Variants in FRAS1 observed in about 807,000 individuals in gnomAD.
FRAS1 encodes the protein extracellular matrix organizing protein FRAS1.
A neutral mutation model predicts 435.2 loss-of-function variants in FRAS1; 290 were observed. That is an observed-to-expected ratio of 0.67 (90% CI 0.61 to 0.73). The LOEUF is 0.73. Among genes scored for constraint, FRAS1 ranks in the 30% least tolerant of loss-of-function variants. The pLI, the probability that FRAS1 is intolerant of heterozygous loss-of-function variation, is 0.00. For synonymous variants in FRAS1, 1,800 were observed against 1,851.0 expected, an observed-to-expected ratio of 0.97 and a Z score of 0.71; for missense variants, 4,860 against 5,001.5, an observed-to-expected ratio of 0.97 and a Z score of 0.85.
rs768081483 is a variant in FRAS1 at position 78,526,531 on chromosome 4, A to G, written c.10809-10A>G. The G allele has an allele frequency of 7.7e-6, 12 of 1,556,674 alleles. No homozygotes were observed. In the Admixed American group the frequency reaches 2.0e-4, roughly 26 times the overall value. Reference sequence around the variant, plus strand: ...TCCCTACGATCACAGTCTGCTCTGCATGTTTCCAGGAAGGACTACTCAGGA... The same window carrying G: ...TCCCTACGATCACAGTCTGCTCTGCGTGTTTCCAGGAAGGACTACTCAGGA... On this transcript the variant is annotated splice_polypyrimidine_tract_variant and intron_variant, in intron 69 of 73. Transcript: ENST00000512123.
At chr4:78,535,842 C>T (rs1323930600) in intron 71 of FRAS1, among the ~76,000 whole-genome samples, 2 of 152,192 alleles carry the variant, frequency 1.3e-5, no homozygotes, top group East Asian at 1.9e-4. Context: ...GTCCAGCCTC[C>T]TCAGCACGGT....
rs1721386628 is a variant in FRAS1, at chr4:78,521,553, G to A, written c.10571G>A (p.Arg3524Lys). ...CAGACAGACAGCGTGCTCTCTGCAA[G>A]GCTTCAGATAATAAGAATCTACATT... ...GIQTDSVLSA[R>K]LQIIRIYIRE... Residue 3524 changes from arginine (R) to lysine (K), a missense_variant, in exon 68 of 74, where the codon AGG becomes AAG. Arg to Lys is a conservative substitution (Grantham distance 26, BLOSUM62 2). Transcript: ENST00000512123. The A allele has an allele frequency of 6.2e-7, 1 of 1,610,598 alleles. No homozygotes were observed. Among genetic ancestry groups the A allele is most frequent in the Admixed American group, 1.7e-5 (1 of 59,446 alleles).
intron 2 of FRAS1, among the ~76,000 whole-genome samples, chr4:78,120,592 T>A (rs543880206): frequency 6.6e-6 from 1 of 152,250 alleles, no homozygotes; most frequent in African/African-American, 2.4e-5. Flanking sequence ...GGGGCCTGTG[T>A]GCAAAACCAC....
At position 78,065,083 on chromosome 4, in the gene FRAS1, T is replaced by TATATATATATATACACAC. The variant is rs1383890164; in HGVS notation, c.77-901_77-900insTATATATATATACACACA. On this transcript the variant is annotated intron_variant, in intron 1 of 73. Transcript: ENST00000512123. Reference sequence around the variant, plus strand: ...GTATATATATATATATATATATATATACATACACACACACACACTAAATAC... The same window carrying TATATATATATATACACAC: ...GTATATATATATATATATATATATATATATATATATATACACACACATACACACACACACACTAAATAC... Among the ~76,000 whole-genome samples the TATATATATATATACACAC allele has an allele frequency of 7.8e-5, 11 of 140,594 alleles. No individual in the cohort carries two copies. The East Asian group carries it at 1.7e-3, about 22-fold the overall frequency. The allele number at this position is 140,594 out of a possible 152,430, so 92.2% of individuals were successfully genotyped here. A position where few individuals can be genotyped will look rare whatever the true frequency, so the allele number is the denominator to read the frequency against.
At chr4:78,504,841 A>G (rs529236206) in intron 61 of FRAS1, among the ~76,000 whole-genome samples, 3 of 152,302 alleles carry the variant, frequency 2.0e-5, no homozygotes, top group African/African-American at 4.8e-5. Flanking sequence ...ACAATTTGGC[A>G]TGTTTTTGCA....
At chr4:78,105,112 C>T (rs184760102) in intron 2 of FRAS1, among the ~76,000 whole-genome samples, 2 of 152,292 alleles carry the variant, frequency 1.3e-5, no homozygotes, top group East Asian at 3.9e-4. Context: ...TCAGCTGGCT[C>T]CCTGTGGATA....
At chr4:78,205,352 C>T (rs562533737) in intron 2 of FRAS1, among the ~76,000 whole-genome samples, 1 of 152,068 alleles carries the variant, frequency 6.6e-6, no homozygotes, top group Non-Finnish European at 1.5e-5. Flanking sequence ...CAGGCATGTG[C>T]CACTACACCC....
intron 26 of FRAS1, among the ~76,000 whole-genome samples, chr4:78,376,936 G>T (rs989716656): frequency 6.6e-6 from 1 of 152,126 alleles, no homozygotes. Context: ...GGAGGTTGTG[G>T]TGAGCCGAGA....
At position 78,278,745 on chromosome 4, in the gene FRAS1, G is replaced by A. The variant is rs1252682157; in HGVS notation, c.1071+1G>A. The stretch of plus-strand genomic sequence containing the variant: ...TGTTTATGAAGAAACTGGAGAATTT[G>A]TGAGTATCAGGCTTATAACCGAAGA... On this transcript the variant is annotated splice_donor_variant, in intron 10 of 73. Transcript: ENST00000512123. LOFTEE classifies it high-confidence loss of function. 5 of 1,536,802 alleles carry A rather than the reference G, an allele frequency of 3.3e-6. No homozygotes were observed. Among genetic ancestry groups the A allele is most frequent in the Non-Finnish European group, 4.5e-6 (5 of 1,111,010 alleles).
Position 78,539,338 on chromosome 4 carries a change from G to A in FRAS1, c.11343G>A (p.Val3781=), listed in dbSNP as rs1328618238. 40 of 1,612,882 alleles carry A rather than the reference G, an allele frequency of 2.5e-5. No homozygotes were observed. The highest frequency in any genetic ancestry group is 3.3e-5 in the Non-Finnish European group (39 of 1,179,528). Residue 3781 remains valine, a synonymous_variant, in exon 73 of 74, where the codon GTG becomes GTA. Transcript: ENST00000512123. The part of the protein sequence containing the change: ...PEVTDKYFHD[V]PFEAHFASEL... ...TAACTGATAAGTACTTCCATGATGT[G>A]CCTTTTGAGGCTCACTTTGCCTCTG...
chr4:78,298,003 C>CCTCTCTCTCT (rs765903880), intron 14 of FRAS1, among the ~76,000 whole-genome samples: 154 of 119,230 alleles, frequency 1.3e-3, no homozygotes, highest in African/African-American at 4.3e-3. Context: ...TTAATTTGTT[C>CCTCTCTCTCT]CTCTCTCTCT....
chr4:78,072,167 T>A (rs1237817001), intron 2 of FRAS1: 1 of 152,182 alleles, frequency 6.6e-6, no homozygotes, highest in African/African-American at 2.4e-5. Flanking sequence ...ATGGGAGTGT[T>A]ATCCATCATT....
intron 2 of FRAS1, among the ~76,000 whole-genome samples, chr4:78,191,243 T>C (rs1241366886): frequency 6.6e-6 from 1 of 152,200 alleles, no homozygotes. Flanking sequence ...CAGGTTGCTT[T>C]TGTAGGTCTT....
chr4:78,318,315 G>T (rs1406379303), intron 17 of FRAS1, among the ~76,000 whole-genome samples: 1 of 152,178 alleles, frequency 6.6e-6, no homozygotes, highest in Admixed American at 6.5e-5. Flanking sequence ...TAGAAAAGCA[G>T]GCTTTAGCCA....
intron 2 of FRAS1, among the ~76,000 whole-genome samples, chr4:78,236,039 A>G (rs1249154457): frequency 6.6e-6 from 1 of 152,226 alleles, no homozygotes; most frequent in Non-Finnish European, 1.5e-5. Context: ...TGGCAGTTAA[A>G]GGTTAGGAAT....
intron 53 of FRAS1, 47 bp from the exon 54 acceptor site, chr4:78,475,391 A>G (rs1719824427): frequency 7.5e-6 from 12 of 1,608,752 alleles, no homozygotes; most frequent in African/African-American, 1.3e-5. Context: ...TTGTTTTTTC[A>G]TAACCATGGG....
At chr4:78,262,750 A>G (rs890654126) in intron 6 of FRAS1, among the ~76,000 whole-genome samples, 1 of 152,196 alleles carries the variant, frequency 6.6e-6, no homozygotes, top group Non-Finnish European at 1.5e-5. Context: ...ATACATCTTT[A>G]GTGATAGTCC....
chr4:78,535,845 A>C (rs1468019736), intron 71 of FRAS1, among the ~76,000 whole-genome samples: 1 of 152,170 alleles, frequency 6.6e-6, no homozygotes, highest in African/African-American at 2.4e-5. Flanking sequence ...CAGCCTCCTC[A>C]GCACGGTTTG....
At chr4:78,401,123 A>G (rs192693043) in intron 30 of FRAS1, among the ~76,000 whole-genome samples, 1 of 152,350 alleles carries the variant, frequency 6.6e-6, no homozygotes, top group African/African-American at 2.4e-5. Context: ...TAAGTTTTAA[A>G]ACAACTTCAT....
Sources: gnomAD v4.1 joint callset for allele counts (sites outside exome capture counted in the v4.1 genomes callset) on GRCh38, gnomAD v4.1.1 for gene constraint, MANE v1.5 for transcripts, NCBI Gene and HGNC (gene_info 2026-07-23, HGNC 2026-07-21) for gene names.